The following CDH18 variants were observed in gnomAD, a reference collection of about 807,000 sequenced individuals.
CDH18 encodes cadherin-18.
In CDH18, 31 loss-of-function variants were observed where a neutral mutation model predicts 67.9. The ratio of observed to expected loss-of-function variants is 0.46; its 90% CI spans 0.34 to 0.62. CDH18 has a LOEUF of 0.62. CDH18 is among the 20% of genes least tolerant of loss of function. CDH18 has a pLI of 0.01. For synonymous variants in CDH18, 362 were observed against 347.2 expected (o/e 1.04, Z -0.48); for missense variants, 890 against 975.5 (o/e 0.91, Z 1.17).
chr5:20,158,987 C>G (rs1751768963), intron 2 of CDH18: 1 of 159,260 alleles, frequency 6.3e-6, no homozygotes. Context: ...CCAGGGTTGA[C>G]CAAAGATTTG....
chr5:20,400,065 G>A (rs1464908296), intron 1 of CDH18, among the ~76,000 whole-genome samples: 1 of 152,060 alleles, frequency 6.6e-6, no homozygotes, highest in Non-Finnish European at 1.5e-5. Flanking sequence ...CTGCTGTGTG[G>A]TATCTGGACA....
At chr5:20,340,751 C>G (rs530296954) in intron 1 of CDH18, among the ~76,000 whole-genome samples, 2 of 152,292 alleles carry the variant, frequency 1.3e-5, no homozygotes, top group African/African-American at 4.8e-5. Flanking sequence ...GTGAGCCTTT[C>G]TGATCTCCCC....
At chr5:20,535,581 G>T (rs1756664445) in intron 1 of CDH18, among the ~76,000 whole-genome samples, 2 of 152,044 alleles carry the variant, frequency 1.3e-5, no homozygotes, top group Admixed American at 1.3e-4. Flanking sequence ...TTTTTTGTGT[G>T]GGAGGGTATT....
chr5:19,909,444 C>T lies in CDH18; in HGVS notation c.-256-70202G>A, dbSNP rs557287554. 5.9e-5 allele frequency among the ~76,000 whole-genome samples: 9 copies of T among 151,534 alleles called. No homozygotes were observed. In the South Asian group the frequency reaches 1.7e-3, roughly 28 times the overall value. On this transcript the variant is annotated intron_variant, in intron 2 of 12. Transcript: ENST00000382275. ...CCTCCCGAGTAGCTGGAATTACAGT[C>T]ACATGCCACCACACCTGGCTAATTT... is the stretch of plus-strand genomic sequence containing the variant.
chr5:20,517,213 A>G (rs1244960978), intron 1 of CDH18, among the ~76,000 whole-genome samples: 3 of 151,772 alleles, frequency 2.0e-5, no homozygotes, highest in Non-Finnish European at 1.5e-5. Flanking sequence ...TTATTATGAA[A>G]TTACTAAATT....
chr5:20,385,848 C>G (rs1744272095), intron 1 of CDH18, among the ~76,000 whole-genome samples: 1 of 152,054 alleles, frequency 6.6e-6, no homozygotes, highest in Admixed American at 6.6e-5. Context: ...CATAAACAAT[C>G]AATTTTCACT....
At chr5:19,625,200 T>C (rs966638138) in intron 5 of CDH18, among the ~76,000 whole-genome samples, 3 of 152,212 alleles carry the variant, frequency 2.0e-5, no homozygotes, top group Non-Finnish European at 4.4e-5. Flanking sequence ...CAGGCAATTA[T>C]GCCTATCCTT....
At chr5:19,824,314 C>T (rs763675701) in intron 3 of CDH18, among the ~76,000 whole-genome samples, 14 of 152,248 alleles carry the variant, frequency 9.2e-5, no homozygotes, top group Admixed American at 4.6e-4. Context: ...AGCAAAGTGA[C>T]ACAGAGAGCA....
chr5:20,379,563 A>C (rs926411212), intron 1 of CDH18, among the ~76,000 whole-genome samples: 1 of 152,190 alleles, frequency 6.6e-6, no homozygotes, highest in Non-Finnish European at 1.5e-5. Flanking sequence ...AGTTAATTAT[A>C]TCTACATGAG....
intron 2 of CDH18, among the ~76,000 whole-genome samples, chr5:20,246,813 A>G (rs1375558744): frequency 2.0e-5 from 3 of 152,258 alleles, no homozygotes; most frequent in African/African-American, 7.2e-5. Flanking sequence ...ATATTAAATG[A>G]AAGTGTATAT....
At chr5:19,538,404 C>T (rs1006495821) in intron 9 of CDH18, among the ~76,000 whole-genome samples, 1 of 152,044 alleles carries the variant, frequency 6.6e-6, no homozygotes, top group African/African-American at 2.4e-5. Context: ...GTTCTGTAGG[C>T]CTTTACTTAG....
At chr5:19,475,860 T>C (rs969298500) in intron 12 of CDH18, among the ~76,000 whole-genome samples, 6 of 152,042 alleles carry the variant, frequency 3.9e-5, no homozygotes, top group Admixed American at 2.0e-4. Flanking sequence ...AAGAACATAC[T>C]TTCCCCCCAG....
chr5:19,670,153 C>T lies in CDH18; in HGVS notation c.643+51194G>A, dbSNP rs376732309. Among the ~76,000 whole-genome samples the T allele has an allele frequency of 6.1e-4, 93 of 151,758 alleles. No individual in the cohort carries two copies. In the South Asian group the frequency reaches 0.019, roughly 30 times the overall value. On this transcript the variant is annotated intron_variant, in intron 5 of 12. Coordinates refer to ENST00000382275, the MANE Select transcript of CDH18 (RefSeq NM_004934.5). ...GAGAAAATTTTGTGCATAGAACTAG[C>T]AGGAAAGGAAAAAATAAGGCTTATA...
chr5:19,567,363 C>CA (rs1014402863), intron 8 of CDH18, among the ~76,000 whole-genome samples: 5 of 151,944 alleles, frequency 3.3e-5, no homozygotes, highest in African/African-American at 9.7e-5. Flanking sequence ...TACAAAAGTA[C>CA]AATAGTAAAA....
intron 1 of CDH18, among the ~76,000 whole-genome samples, chr5:20,261,314 A>G (rs1744629995): frequency 6.6e-6 from 1 of 152,230 alleles, no homozygotes; most frequent in Admixed American, 6.5e-5. Flanking sequence ...AAGGAGTTTG[A>G]AAAATAGAGC....
intron 2 of CDH18, among the ~76,000 whole-genome samples, chr5:20,031,795 A>G (rs896950268): frequency 3.9e-5 from 6 of 152,138 alleles, no homozygotes; most frequent in Non-Finnish European, 7.4e-5. Context: ...GTCCTTGCAC[A>G]GAAGCAATTG....
chr5:20,072,944 A>G (rs1203215081), intron 2 of CDH18, among the ~76,000 whole-genome samples: 1 of 152,036 alleles, frequency 6.6e-6, no homozygotes, highest in African/African-American at 2.4e-5. Context: ...TGTTTTACAG[A>G]TGATGAATCA....
intron 2 of CDH18, among the ~76,000 whole-genome samples, chr5:19,968,605 T>C (rs1290567152): frequency 1.3e-5 from 2 of 148,514 alleles, no homozygotes; most frequent in Non-Finnish European, 2.9e-5. Context: ...GGATTCCCTA[T>C]TTAATAAATG....
chr5:20,412,952 T>A (rs1453777471), intron 1 of CDH18, among the ~76,000 whole-genome samples: 1 of 152,188 alleles, frequency 6.6e-6, no homozygotes, highest in Non-Finnish European at 1.5e-5. Flanking sequence ...CCTAATGCTA[T>A]CCCTCCCCAA....
Sources: allele counts gnomAD v4.1 joint callset (sites outside exome capture counted in the v4.1 genomes callset), GRCh38; gene constraint gnomAD v4.1.1; transcripts MANE v1.5; gene names NCBI Gene and HGNC (gene_info 2026-07-23, HGNC 2026-07-21).